Variants in TCP1 observed in about 807,000 individuals in gnomAD.
TCP1 encodes the protein T-complex protein 1 subunit alpha.
Under a neutral mutation model 54.7 loss-of-function variants are expected in TCP1, and 6 were observed. The observed-to-expected ratio is 0.11, with a 90% CI of 0.06 to 0.22. The LOEUF (loss-of-function observed/expected upper bound fraction) is 0.22. TCP1 is among the 10% of genes least tolerant of loss of function. The pLI is 1.00. For missense variants in TCP1, 511 were observed against 678.2 expected (o/e 0.75, Z 2.74); for synonymous variants, 225 against 229.7 (o/e 0.98, Z 0.19).
chr6:159,787,876 G>A lies in TCP1; in HGVS notation c.151-5C>T. ...ATCGTTAGTAATGGTTACATCCTAA[G>A]AAATTCGCAGGAAAAAATATGAACC... On this transcript the variant is annotated splice_region_variant and splice_polypyrimidine_tract_variant and intron_variant, in intron 2 of 11. Coordinates refer to ENST00000321394, the MANE Select transcript of TCP1 (RefSeq NM_030752.3). The A allele has an allele frequency of 6.2e-7, 1 of 1,613,394 alleles. No individual in the cohort carries two copies. Among genetic ancestry groups the A allele is most frequent in the African/African-American group, 1.3e-5 (1 of 75,048 alleles).
At chr6:159,787,625 G>A (rs1345411625) in intron 3 of TCP1, 118 bp downstream of exon 3, 10 of 1,267,798 alleles carry the variant, frequency 7.9e-6, no homozygotes, top group African/African-American at 1.5e-5. Flanking sequence ...TCAATCTTCT[G>A]GGCATTCAGA....
In TCP1 at chr6:159,781,006, A is replaced by G. The variant is rs1384211045; in HGVS notation, c.902T>C (p.Val301Ala). The change falls in exon 8 of 12, where the codon GTG (valine) becomes GCG (alanine). Residue 301 changes from valine (V) to alanine (A), a missense_variant. Physicochemically the swap from Val to Ala is moderately conservative, Grantham distance 64. Around this residue, in one of 5 missense-constraint regions of TCP1, gnomAD observed 305 missense variants for 352.8 expected, o/e 0.86. Transcript: ENST00000321394. ...TCTAACTGCCATAGCACCAGCCTCC[A>G]CAAAATACTTCAGACACATATCATC... ...GIDDMCLKYF[V>A]EAGAMAVRRV... The G allele has an allele frequency of 6.2e-7, 1 of 1,613,746 alleles. No homozygotes were observed. The highest frequency in any genetic ancestry group is 1.1e-5 in the South Asian group (1 of 91,002).
At position 159,780,972 on chromosome 6, in the gene TCP1, T is replaced by A. The variant is rs921371219; in HGVS notation, c.936A>T (p.Leu312Phe). ...TGGCAATGCGTTTAAGGTCCCTTTTTAAAACTCTTCTAACTGCCATAGCAC... is the reference window on the plus strand; with the variant it reads ...TGGCAATGCGTTTAAGGTCCCTTTTAAAAACTCTTCTAACTGCCATAGCAC... ...EAGAMAVRRV[L>F]KRDLKRIAKA... Residue 312 changes from leucine to phenylalanine, a missense_variant, in exon 8 of 12, where the codon TTA becomes TTT. Transcript: ENST00000321394. The A allele has an allele frequency of 1.2e-6, 2 of 1,610,926 alleles. No individual in the cohort carries two copies. Among genetic ancestry groups the A allele is most frequent in the Non-Finnish European group, 1.7e-6 (2 of 1,179,256 alleles).
At position 159,789,595 on chromosome 6, in the gene TCP1, G is replaced by C; in HGVS notation, c.-127C>G. 5 of 1,167,702 alleles carry C rather than the reference G, an allele frequency of 4.3e-6. No individual in the cohort carries two copies. Among genetic ancestry groups the C allele is most frequent in the Non-Finnish European group, 6.2e-6 (5 of 803,118 alleles). The allele number at this position is 1,167,702 out of a possible 1,614,324, so 72.3% of individuals were successfully genotyped here. A position where few individuals can be genotyped will look rare whatever the true frequency, so the allele number is the denominator to read the frequency against. ...GGAGCGTACCCGAGCGATGTCCCAG[G>C]AGCTACTGGGTAACACACCACCCCA... On this transcript the variant is annotated 5_prime_UTR_variant, in exon 1 of 12. Coordinates refer to ENST00000321394, the MANE Select transcript of TCP1 (RefSeq NM_030752.3).
rs142668629 is a variant in TCP1 at position 159,780,691 on chromosome 6, G to A, written c.974-125C>T. Reference sequence around the variant, plus strand: ...TTTAGAATTTAGTTAGGCAGCACACGGTAACTCCTTTTATCCTAAGATGGA... The same window carrying A: ...TTTAGAATTTAGTTAGGCAGCACACAGTAACTCCTTTTATCCTAAGATGGA... On this transcript the variant is annotated intron_variant, in intron 8 of 11. Coordinates refer to ENST00000321394, the MANE Select transcript of TCP1 (RefSeq NM_030752.3). The A allele has an allele frequency of 1.1e-3, 1,501 of 1,314,658 alleles. 16 individuals are homozygous for A. In the African/African-American group the frequency reaches 0.02, roughly 18 times the overall value. 81.4% of individuals were successfully genotyped at this position (1,314,658 alleles called of 1,614,324 possible). A position where few individuals can be genotyped will look rare whatever the true frequency, so the allele number is the denominator to read the frequency against.
intron 6 of TCP1, among the ~76,000 whole-genome samples, chr6:159,784,291 C>CA (rs539616951): frequency 1.9e-4 from 28 of 150,436 alleles, no homozygotes; most frequent in Admixed American, 5.3e-4. Flanking sequence ...ACATAATCCA[C>CA]AAAAAAACAT....
At position 159,789,388 on chromosome 6, in the gene TCP1, G is replaced by C; in HGVS notation, c.64+17C>G. 3 of 1,613,348 alleles carry C rather than the reference G, an allele frequency of 1.9e-6. No homozygotes were observed. The highest frequency in any genetic ancestry group is 2.5e-6 in the Non-Finnish European group (3 of 1,179,724). ...CTCCCCGGCCGCAAACCCGACCCAG[G>C]CCCGGCCCGCCCTTACCGTTTTGGG... On this transcript the variant is annotated intron_variant, in intron 1 of 11. Coordinates refer to ENST00000321394, the MANE Select transcript of TCP1 (RefSeq NM_030752.3).
At chr6:159,785,054 A>T in intron 5 of TCP1, 1 of 628,276 alleles carries the variant, frequency 1.6e-6, no homozygotes, top group Middle Eastern at 2.7e-4. Context: ...TTTCACCCTA[A>T]AAAAGCAGGG....
chr6:159,779,061 C>G lies in TCP1; in HGVS notation c.1655G>C (p.Gly552Ala). 6.2e-6 allele frequency: 10 copies of G among 1,613,790 alleles called. No homozygotes were observed. Among genetic ancestry groups the G allele is most frequent in the Non-Finnish European group, 8.5e-6 (10 of 1,179,766 alleles). ...AACATCAGATCAATCATTAAGGGCT[C>G]CAGAGTGAACAGCATCTTCATAACT... ...HGSYEDAVHS[G>A]ALND The change falls in exon 12 of 12, where the codon GGA becomes GCA. Residue 552 changes from glycine (G) to alanine (A), a missense_variant. By Grantham distance (60) the Gly-to-Ala change is moderately conservative (BLOSUM62 0). Transcript: ENST00000321394.
In TCP1 at chr6:159,788,046, A is replaced by T. The variant is rs1257393148; in HGVS notation, c.150+12T>A. 4 of 1,612,800 alleles carry T rather than the reference A, an allele frequency of 2.5e-6. No homozygotes were observed. Among genetic ancestry groups the T allele is most frequent in the Non-Finnish European group, 3.4e-6 (4 of 1,178,854 alleles). The stretch of plus-strand genomic sequence containing the variant: ...CTTTAAGGAAACTAACACAACAGTT[A>T]TGTGTACTTACACCAATATCATCCA... On this transcript the variant is annotated intron_variant, in intron 2 of 11. Coordinates refer to ENST00000321394, the MANE Select transcript of TCP1 (RefSeq NM_030752.3).
At position 159,784,987 on chromosome 6, in the gene TCP1, TACA is replaced by T. The variant is rs912814678; in HGVS notation, c.489-143_489-141del. The T allele has an allele frequency of 1.8e-4, 145 of 789,498 alleles. No homozygotes were observed. In the African/African-American group the frequency reaches 1.9e-3, roughly 10 times the overall value. The allele number at this position is 789,498 out of a possible 1,614,324, so 48.9% of individuals were successfully genotyped here. A position where few individuals can be genotyped will look rare whatever the true frequency, so the allele number is the denominator to read the frequency against. On this transcript the variant is annotated intron_variant, in intron 5 of 11. Transcript: ENST00000321394. ...CAAGCATTACTTGTCACCAAAATGT[TACA>T]ACATTATCACTATCTGCAATTCATA...
rs374994617 is a variant in TCP1 at position 159,784,076 on chromosome 6, G to C, written c.671-9C>G. ...GATTCTCTTGGGCATGCCTACAATT[G>C]AACATAAGATTAAGTTAATACGTCT... On this transcript the variant is annotated splice_polypyrimidine_tract_variant and intron_variant, in intron 6 of 11. Transcript: ENST00000321394. The C allele has an allele frequency of 1.9e-5, 30 of 1,611,076 alleles. No individual in the cohort carries two copies. The highest frequency in any genetic ancestry group is 2.7e-5 in the African/African-American group (2 of 74,664).
At position 159,778,767 on chromosome 6, in the gene TCP1, G is replaced by C; in HGVS notation, c.*278C>G. 6.2e-7 allele frequency: 1 copy of C among 1,614,224 alleles called. No homozygotes were observed. Among genetic ancestry groups the C allele is most frequent in the South Asian group, 1.1e-5 (1 of 91,090 alleles). On this transcript the variant is annotated 3_prime_UTR_variant, in exon 12 of 12. Transcript: ENST00000321394. ...ACTGGAGAGAATGGGCAGAAGTCGT[G>C]GTGTTGCAGCCCTGTGCATTGGGGG...
chr6:159,779,552 C>G lies in TCP1; in HGVS notation c.1454+75G>C, dbSNP rs916439873. ...CAAGTCTGTTACTTATGTTTGCTGA[C>G]ATGTAATTGACTACTATCCTTTTTA... On this transcript the variant is annotated intron_variant, in intron 11 of 11. Coordinates refer to ENST00000321394, the MANE Select transcript of TCP1 (RefSeq NM_030752.3). The G allele has an allele frequency of 8.6e-6, 13 of 1,504,050 alleles. No homozygotes were observed. The African/African-American group carries it at 1.7e-4, about 19-fold the overall frequency. The allele number at this position is 1,504,050 out of a possible 1,614,324, so 93.2% of individuals were successfully genotyped here.
At chr6:159,781,945 C>T (rs1780587648) in intron 7 of TCP1, among the ~76,000 whole-genome samples, 1 of 152,160 alleles carries the variant, frequency 6.6e-6, no homozygotes, top group African/African-American at 2.4e-5. Flanking sequence ...CCCTGATTAT[C>T]AATGTGGAAA....
chr6:159,788,313 G>T (rs923978213), intron 1 of TCP1, 170 bp from the exon 2 acceptor site: 2 of 601,430 alleles, frequency 3.3e-6, no homozygotes, highest in African/African-American at 3.7e-5. Context: ...AATGGGGCCA[G>T]ACACTGTGGC....
In TCP1 at chr6:159,789,392, G is replaced by C; in HGVS notation, c.64+13C>G. 1 of 1,611,262 alleles carries C rather than the reference G, an allele frequency of 6.2e-7. No homozygotes were observed. Among genetic ancestry groups the C allele is most frequent in the South Asian group, 1.1e-5 (1 of 91,052 alleles). On this transcript the variant is annotated intron_variant, in intron 1 of 11. Coordinates refer to ENST00000321394, the MANE Select transcript of TCP1 (RefSeq NM_030752.3). ...CCGGCCGCAAACCCGACCCAGGCCC[G>C]GCCCGCCCTTACCGTTTTGGGAGCG... is the stretch of plus-strand genomic sequence containing the variant.
At chr6:159,780,860 T>A (rs1239648920) in intron 8 of TCP1, 75 bp downstream of exon 8, 5 of 1,477,388 alleles carry the variant, frequency 3.4e-6, no homozygotes, top group Non-Finnish European at 4.5e-6. Flanking sequence ...TCTGTCAATA[T>A]TCCAATGTAA....
Position 159,780,330 on chromosome 6 carries a change from C to T in TCP1, c.1097+113G>A, listed in dbSNP as rs1033579469. The T allele has an allele frequency of 5.4e-6, 8 of 1,493,820 alleles. No homozygotes were observed. The African/African-American group carries it at 5.5e-5, about 10-fold the overall frequency. The allele number at this position is 1,493,820 out of a possible 1,614,324, so 92.5% of individuals were successfully genotyped here. A position where few individuals can be genotyped will look rare whatever the true frequency, so the allele number is the denominator to read the frequency against. On this transcript the variant is annotated intron_variant, in intron 9 of 11. Coordinates refer to ENST00000321394, the MANE Select transcript of TCP1 (RefSeq NM_030752.3). ...TGGCCCAATGTTATTTTATCCCATG[C>T]GTATAACTGCTCGTATCACTGTGAG...
Sources: gnomAD v4.1 joint callset for allele counts (sites outside exome capture counted in the v4.1 genomes callset) on GRCh38, gnomAD v4.1.1 for gene constraint, gnomAD v4.1.1 regional missense constraint, MANE v1.5 for transcripts, NCBI Gene and HGNC (gene_info 2026-07-23, HGNC 2026-07-21) for gene names.